Variants in TRAF3IP1 observed in about 807,000 individuals in gnomAD.
TRAF3IP1 encodes intraflagellar transport 54, also known as TRAF3-interacting protein 1.
A neutral mutation model predicts 89.9 loss-of-function variants in TRAF3IP1; 53 were observed. The ratio of observed to expected loss-of-function variants is 0.59; its 90% confidence interval spans 0.47 to 0.74. The LOEUF is 0.74. Ranked by LOEUF, TRAF3IP1 falls within the 30% of genes least tolerant of loss-of-function variation. The pLI is 0.00. For synonymous variants in TRAF3IP1, 311 were observed against 322.1 expected, an observed-to-expected ratio of 0.97 and a Z score of 0.37; for missense variants, 806 against 866.1, an observed-to-expected ratio of 0.93 and a Z score of 0.87.
At chr2:238,320,889 C>T in intron 1 of TRAF3IP1, 104 bp downstream of exon 1, 4 of 1,025,564 alleles carry the variant, frequency 3.9e-6, no homozygotes, top group Non-Finnish European at 4.9e-6. Flanking sequence ...CGGGCTCGGG[C>T]TCAGGTGCGG....
At chr2:238,364,374 T>A (rs1320080692) in intron 15 of TRAF3IP1, among the ~76,000 whole-genome samples, 2 of 151,378 alleles carry the variant, frequency 1.3e-5, no homozygotes, top group African/African-American at 4.9e-5. Context: ...AATATAAACT[T>A]TGTTAATAGT....
rs570492526 is a variant in TRAF3IP1 at position 238,392,573 on chromosome 2, C to G, written c.1690-4886C>G. Among the ~76,000 whole-genome samples the G allele has an allele frequency of 3.0e-3, 347 of 115,402 alleles. 2 individuals are homozygous for G. The highest frequency in any genetic ancestry group is 0.014 in the African/African-American group (339 of 24,660). 75.7% of individuals were successfully genotyped at this position (115,402 alleles called of 152,430 possible). On this transcript the variant is annotated intron_variant, in intron 15 of 16. Transcript: ENST00000373327. ...TTGTTCCATGGATTAGCAGTCTGTT[C>G]CTTTTTTTTTTTTCTTGAGACGGAG...
At chr2:238,333,118 C>T (rs1241989222) in intron 6 of TRAF3IP1, among the ~76,000 whole-genome samples, 3 of 152,004 alleles carry the variant, frequency 2.0e-5, no homozygotes, top group Admixed American at 1.3e-4. Context: ...GTGGGGCACT[C>T]CTGGGTTTAC....
intron 15 of TRAF3IP1, among the ~76,000 whole-genome samples, chr2:238,383,435 G>A (rs1171346169): frequency 2.0e-5 from 3 of 152,196 alleles, no homozygotes; most frequent in Non-Finnish European, 2.9e-5. Flanking sequence ...TCTGCATTGA[G>A]TCTGTCAGTC....
chr2:238,383,492 G>A (rs1291234542), intron 15 of TRAF3IP1, among the ~76,000 whole-genome samples: 2 of 152,198 alleles, frequency 1.3e-5, no homozygotes, highest in Non-Finnish European at 2.9e-5. Context: ...CAGATACACC[G>A]TGGCGTTTCC....
intron 10 of TRAF3IP1, 111 bp from the exon 11 acceptor site, chr2:238,348,653 C>A: frequency 1.1e-6 from 1 of 920,186 alleles, no homozygotes; most frequent in Non-Finnish European, 1.7e-6. Context: ...TTTGCAATTA[C>A]AAATGTATTT....
intron 15 of TRAF3IP1, among the ~76,000 whole-genome samples, chr2:238,377,230 CTTTTTTTTT>C (rs71402784): frequency 4.6e-5 from 4 of 86,716 alleles, no homozygotes; most frequent in African/African-American, 1.9e-4. Flanking sequence ...TCCTGATTTT[CTTTTTTTTT>C]TTTTTTTTTT....
intron 5 of TRAF3IP1, among the ~76,000 whole-genome samples, chr2:238,330,618 C>T (rs1324947909): frequency 6.6e-6 from 1 of 152,202 alleles, no homozygotes; most frequent in Non-Finnish European, 1.5e-5. Context: ...GGCACTGCGT[C>T]TCAGGGTGTG....
intron 5 of TRAF3IP1, 59 bp from the exon 6 acceptor site, chr2:238,332,765 T>G (rs1698190571): frequency 3.1e-6 from 4 of 1,298,714 alleles, no homozygotes; most frequent in Non-Finnish European, 4.4e-6. Flanking sequence ...TCTTGGCATA[T>G]TTTTAGATAT....
chr2:238,374,757 C>T (rs935642636), intron 15 of TRAF3IP1, among the ~76,000 whole-genome samples: 1 of 152,164 alleles, frequency 6.6e-6, no homozygotes, highest in African/African-American at 2.4e-5. Flanking sequence ...TCCGTCTGGT[C>T]CTGGACTGTT....
chr2:238,393,245 G>A (rs534235850), intron 15 of TRAF3IP1, among the ~76,000 whole-genome samples: 61 of 152,242 alleles, frequency 4.0e-4, no homozygotes, highest in African/African-American at 1.4e-3. Flanking sequence ...TTGTTGTGTG[G>A]TGATGGCTCA....
chr2:238,366,892 G>C (rs1028538877), intron 15 of TRAF3IP1, among the ~76,000 whole-genome samples: 1 of 151,932 alleles, frequency 6.6e-6, no homozygotes, highest in African/African-American at 2.4e-5. Flanking sequence ...GGCTGGGTGT[G>C]GTGGCTCACA....
chr2:238,352,789 T>G, intron 12 of TRAF3IP1, 38 bp from the exon 13 acceptor site: 1 of 1,578,296 alleles, frequency 6.3e-7, no homozygotes, highest in Non-Finnish European at 8.6e-7. Flanking sequence ...CTGATGAAAA[T>G]GTGTAATTCT....
At chr2:238,386,056 C>T (rs115469734) in intron 15 of TRAF3IP1, among the ~76,000 whole-genome samples, 272 of 152,206 alleles carry the variant, frequency 1.8e-3, no homozygotes, top group African/African-American at 6.3e-3. Flanking sequence ...AGATGGTCTT[C>T]GGTATGTCTG....
At chr2:238,321,392 G>T (rs1161773994) in intron 1 of TRAF3IP1, among the ~76,000 whole-genome samples, 1 of 152,206 alleles carries the variant, frequency 6.6e-6, no homozygotes, top group East Asian at 1.9e-4. Context: ...CTGCCCCAAA[G>T]TTTCCCTCCA....
chr2:238,365,043 C>T (rs200156527), intron 15 of TRAF3IP1, among the ~76,000 whole-genome samples: 2 of 152,164 alleles, frequency 1.3e-5, no homozygotes, highest in Non-Finnish European at 2.9e-5. Context: ...ATGACCTTAT[C>T]GTGAACAAGT....
chr2:238,384,847 A>C lies in TRAF3IP1; in HGVS notation c.1690-12612A>C, dbSNP rs180866014. 5.5e-4 allele frequency among the ~76,000 whole-genome samples: 83 copies of C among 152,244 alleles called. 1 individual carries two copies. Among genetic ancestry groups the C allele is most frequent in the East Asian group, 3.3e-3 (17 of 5,188 alleles). ...TATTATATAATCAAAAGTGAGATAG[A>C]ATATATTCTAGGATCGAAACTCTGT... On this transcript the variant is annotated intron_variant, in intron 15 of 16. Transcript: ENST00000373327.
chr2:238,392,125 C>T (rs1455502797), intron 15 of TRAF3IP1, among the ~76,000 whole-genome samples: 2 of 152,178 alleles, frequency 1.3e-5, no homozygotes, highest in Non-Finnish European at 2.9e-5. Context: ...GCCCCAGCTA[C>T]TTTGGCAGGC....
chr2:238,329,502 A>T (rs1244164704), intron 5 of TRAF3IP1, among the ~76,000 whole-genome samples, 160 bp downstream of exon 5: 1 of 152,220 alleles, frequency 6.6e-6, no homozygotes, highest in African/African-American at 2.4e-5. Flanking sequence ...ACCCAAAGAG[A>T]TACTTATTTC....
Sources: gnomAD v4.1 joint callset for allele counts (sites outside exome capture counted in the v4.1 genomes callset) on GRCh38, gnomAD v4.1.1 for gene constraint, MANE v1.5 for transcripts, NCBI Gene and HGNC (gene_info 2026-07-23, HGNC 2026-07-21) for gene names.